The following DEPTOR variants were observed in gnomAD, a reference collection of about 807,000 sequenced individuals.
DEPTOR encodes the protein DEP domain-containing mTOR-interacting protein.
In DEPTOR, 41 loss-of-function variants were observed where a neutral mutation model predicts 41.6. That is an observed-to-expected ratio of 0.98 (90% CI 0.77 to 1.28). The LOEUF is 1.28. Among genes scored for constraint, DEPTOR ranks in the 50% most tolerant of loss-of-function variants. DEPTOR has a pLI of 0.00. For synonymous variants in DEPTOR, 195 were observed against 192.3 expected (o/e 1.01, Z -0.12); for missense variants, 514 against 527.9 (o/e 0.97, Z 0.26).
At position 119,877,612 on chromosome 8, in the gene DEPTOR, A is replaced by G. The variant is rs149816138; in HGVS notation, c.122+3644A>G. Among the ~76,000 whole-genome samples the G allele has an allele frequency of 1.4e-3, 208 of 152,342 alleles. 2 individuals are homozygous for G. The highest frequency in any genetic ancestry group is 4.8e-3 in the African/African-American group (201 of 41,584). On this transcript the variant is annotated intron_variant, in intron 1 of 8. Coordinates refer to ENST00000286234, the MANE Select transcript of DEPTOR (RefSeq NM_022783.4). The stretch of plus-strand genomic sequence containing the variant: ...CATCAGAGATGAGGTAGAGGTGATA[A>G]GAGGAAACCAAGGACTGGGATTTGA...
chr8:119,983,879 C>T lies in DEPTOR; in HGVS notation c.605-17646C>T, dbSNP rs141499874. On this transcript the variant is annotated intron_variant, in intron 4 of 8. Transcript: ENST00000286234. Reference sequence around the variant, plus strand: ...TTTTCTGAACTTTAGCCTCTTCCTCCTTTGAGGGTCTGTTGACATACTGAC... The same window carrying T: ...TTTTCTGAACTTTAGCCTCTTCCTCTTTTGAGGGTCTGTTGACATACTGAC... Among the ~76,000 whole-genome samples, 1,118 of 152,276 alleles carry T rather than the reference C, an allele frequency of 7.3e-3. 13 individuals carry two copies. Among genetic ancestry groups the T allele is most frequent in the Non-Finnish European group, 8.5e-3 (575 of 68,026 alleles).
chr8:120,049,463 T>C, intron 8 of DEPTOR, 113 bp from the exon 9 acceptor site: 14 of 1,279,814 alleles, frequency 1.1e-5, no homozygotes, highest in Non-Finnish European at 1.5e-5. Context: ...GCTGGATACA[T>C]TTGGATATTT....
intron 3 of DEPTOR, among the ~76,000 whole-genome samples, chr8:119,938,818 T>A (rs1828160946): frequency 6.6e-6 from 1 of 151,986 alleles, no homozygotes; most frequent in Admixed American, 6.6e-5. Flanking sequence ...CCTGCCTGCC[T>A]GCCTTCCTTC....
rs868176963 is a variant in DEPTOR at position 119,927,048 on chromosome 8, C to T, written c.123-1352C>T. 5.3e-5 allele frequency among the ~76,000 whole-genome samples: 8 copies of T among 152,202 alleles called. No homozygotes were observed. In the South Asian group the frequency reaches 8.3e-4, roughly 16 times the overall value. The stretch of plus-strand genomic sequence containing the variant: ...CCTAAATACTGACTACTTAGCAGAC[C>T]ATGGCAGAAGAGAAACAGCAGATTA... On this transcript the variant is annotated intron_variant, in intron 1 of 8. Transcript: ENST00000286234.
At chr8:119,891,101 A>G (rs1827446454) in intron 1 of DEPTOR, 1 of 152,062 alleles carries the variant, frequency 6.6e-6, no homozygotes, top group Non-Finnish European at 1.5e-5. Context: ...GCTGGAGGGC[A>G]GTGGTGCAAT....
intron 1 of DEPTOR, among the ~76,000 whole-genome samples, chr8:119,875,387 A>T (rs552061793): frequency 1.4e-4 from 21 of 152,320 alleles, no homozygotes; most frequent in African/African-American, 4.8e-4. Flanking sequence ...GGGTGACTTC[A>T]TAAAGCCCTG....
intron 3 of DEPTOR, among the ~76,000 whole-genome samples, chr8:119,959,763 T>C (rs191034272): frequency 1.3e-5 from 2 of 152,066 alleles, no homozygotes; most frequent in African/African-American, 2.4e-5. Flanking sequence ...ACTCATGACC[T>C]CAAGTAATCC....
chr8:119,961,811 G>T (rs1828496482), intron 3 of DEPTOR, among the ~76,000 whole-genome samples: 1 of 152,124 alleles, frequency 6.6e-6, no homozygotes, highest in Admixed American at 6.6e-5. Flanking sequence ...ATTATTATTA[G>T]TTTCAAAGGA....
chr8:119,886,387 G>A (rs756168873), intron 1 of DEPTOR, among the ~76,000 whole-genome samples: 86 of 152,014 alleles, frequency 5.7e-4, no homozygotes, highest in Non-Finnish European at 1.1e-3. Flanking sequence ...TTCCTGAGTC[G>A]GTGGGATTGT....
chr8:119,991,086 C>T (rs369588801), intron 4 of DEPTOR, among the ~76,000 whole-genome samples: 9 of 107,544 alleles, frequency 8.4e-5, no homozygotes, highest in East Asian at 7.4e-4. Context: ...TTCTTTCTTT[C>T]TTTTTCTTTC....
At chr8:119,977,811 G>A (rs1334893597) in intron 4 of DEPTOR, among the ~76,000 whole-genome samples, 1 of 151,976 alleles carries the variant, frequency 6.6e-6, no homozygotes, top group East Asian at 1.9e-4. Context: ...ACAGACGAGA[G>A]GTTTCTTTCT....
At chr8:119,892,618 A>G (rs1295559301) in intron 1 of DEPTOR, among the ~76,000 whole-genome samples, 1 of 152,204 alleles carries the variant, frequency 6.6e-6, no homozygotes. Flanking sequence ...TGTGTTGACT[A>G]CAAAAGAGAG....
Position 119,896,159 on chromosome 8 carries a change from C to G in DEPTOR, c.122+22191C>G, listed in dbSNP as rs150494181. On this transcript the variant is annotated intron_variant, in intron 1 of 8. Coordinates refer to ENST00000286234, the MANE Select transcript of DEPTOR (RefSeq NM_022783.4). ...TAACAACAATAATAAAAATAAAAAC[C>G]AGTATTTATTGAACCATACTATGTG... is the stretch of plus-strand genomic sequence containing the variant. Among the ~76,000 whole-genome samples the G allele has an allele frequency of 3.0e-3, 462 of 152,086 alleles. 15 individuals are homozygous for G. The highest frequency in any genetic ancestry group is 0.023 in the Admixed American group (356 of 15,288).
chr8:119,946,229 A>G (rs926028020), intron 3 of DEPTOR, among the ~76,000 whole-genome samples: 1 of 152,188 alleles, frequency 6.6e-6, no homozygotes, highest in Non-Finnish European at 1.5e-5. Flanking sequence ...ACCCCCTAAC[A>G]AAAGAGTGTT....
At chr8:119,981,185 T>G (rs1307582556) in intron 4 of DEPTOR, among the ~76,000 whole-genome samples, 5 of 152,160 alleles carry the variant, frequency 3.3e-5, no homozygotes, top group Non-Finnish European at 7.4e-5. Flanking sequence ...TCCTAAAGAA[T>G]CGAAACAATG....
chr8:119,898,782 GT>G (rs1827552233), intron 1 of DEPTOR, among the ~76,000 whole-genome samples: 1 of 151,498 alleles, frequency 6.6e-6, no homozygotes, highest in African/African-American at 2.4e-5. Flanking sequence ...CATTGTGATA[GT>G]TTTGATCAAG....
chr8:120,003,105 AAGTCCGGTG>A lies in DEPTOR; in HGVS notation c.923_925+6del, dbSNP rs763905538. 1 of 1,611,910 alleles carries A rather than the reference AAGTCCGGTG, an allele frequency of 6.2e-7. No homozygotes were observed. Among genetic ancestry groups the A allele is most frequent in the Non-Finnish European group, 8.5e-7 (1 of 1,179,804 alleles). The stretch of plus-strand genomic sequence containing the variant: ...CAGCCCCCCTGTGCTCTGCAACCCC[AAGTCCGGTG>A]AGTGCCCAAAAGGTGGCCCCGCTCC... On this transcript the variant is annotated splice_donor_variant and splice_donor_region_variant and coding_sequence_variant and intron_variant, in exon 6 of 9. Coordinates refer to ENST00000286234, the MANE Select transcript of DEPTOR (RefSeq NM_022783.4). LOFTEE classifies it high-confidence loss of function.
intron 4 of DEPTOR, among the ~76,000 whole-genome samples, chr8:119,983,959 C>T (rs1828799672): frequency 6.6e-6 from 1 of 152,132 alleles, no homozygotes; most frequent in Non-Finnish European, 1.5e-5. Flanking sequence ...CAGTAAAGCA[C>T]CAGCAAGTTA....
chr8:119,897,786 C>T (rs1164650772), intron 1 of DEPTOR, among the ~76,000 whole-genome samples: 4 of 152,100 alleles, frequency 2.6e-5, no homozygotes, highest in East Asian at 3.9e-4. Flanking sequence ...TGAGCCACCA[C>T]GCCTGGCCCT....
Sources: gnomAD v4.1 joint callset for allele counts (sites outside exome capture counted in the v4.1 genomes callset) on GRCh38, gnomAD v4.1.1 for gene constraint, MANE v1.5 for transcripts, NCBI Gene and HGNC (gene_info 2026-07-23, HGNC 2026-07-21) for gene names.